The following BTNL2 variants were observed in gnomAD, a reference collection of about 807,000 sequenced individuals.
BTNL2 encodes butyrophilin-like protein 2.
Under a neutral mutation model 46.8 loss-of-function variants are expected in BTNL2, and 46 were observed. The ratio of observed to expected loss-of-function variants is 0.98; its 90% CI spans 0.78 to 1.26. The LOEUF is 1.26. BTNL2 is among the 50% of genes most tolerant of loss of function. The probability of loss-of-function intolerance (pLI) is 0.00; values close to 1 mark genes in which losing one functional copy is unlikely to be tolerated. For missense variants in BTNL2, 461 were observed against 592.6 expected, an observed-to-expected ratio of 0.78 and a Z score of 2.31; for synonymous variants, 226 against 229.1, an observed-to-expected ratio of 0.99 and a Z score of 0.12.
intron 2 of BTNL2, among the ~76,000 whole-genome samples, chr6:32,404,732 A>C (rs1378656296): frequency 6.6e-6 from 1 of 152,236 alleles, no homozygotes; most frequent in Non-Finnish European, 1.5e-5. Context: ...AGAACAGTCA[A>C]AACTGTGCAA....
At chr6:32,401,646 G>T in intron 4 of BTNL2, 139 bp downstream of exon 4, 1 of 696,648 alleles carries the variant, frequency 1.4e-6, no homozygotes, top group Non-Finnish European at 2.3e-6. Flanking sequence ...GTCTCCTCTG[G>T]TATTTAATGA....
At position 32,394,738 on chromosome 6, in the gene BTNL2, A is replaced by G. The variant is rs1230075719; in HGVS notation, c.1360+6T>C. ...CAAACCTGAAGGAACATAAGGAATCACCAACCTGAGAGAGAAAAAGTTGCG... is the reference window on the plus strand; with the variant it reads ...CAAACCTGAAGGAACATAAGGAATCGCCAACCTGAGAGAGAAAAAGTTGCG... On this transcript the variant is annotated splice_donor_region_variant and intron_variant, in intron 6 of 7. Transcript: ENST00000454136. This position sits in a 1 kb window ranked among gnomAD's most constrained non-coding sequence, Gnocchi z 4.6. 1 of 1,608,546 alleles carries G rather than the reference A, an allele frequency of 6.2e-7. No homozygotes were observed. Among genetic ancestry groups the G allele is most frequent in the Non-Finnish European group, 8.5e-7 (1 of 1,175,974 alleles).
Position 32,396,579 on chromosome 6 carries a change from A to G in BTNL2, c.731-193T>C, listed in dbSNP as rs9268481. The G allele has an allele frequency of 0.25, 150,589 of 609,612 alleles. 19,863 individuals carry two copies. The highest frequency in any genetic ancestry group is 0.31 in the Admixed American group (11,217 of 36,128). The allele number at this position is 609,612 out of a possible 1,614,324, so 37.8% of individuals were successfully genotyped here. A position where few individuals can be genotyped will look rare whatever the true frequency, so the allele number is the denominator to read the frequency against. ...GGTTGCTCTTCTTTAAGGAGGAATC[A>G]TTCCATGATGTGTGTCAGTCTGAGT... On this transcript the variant is annotated intron_variant, in intron 4 of 7. Coordinates refer to ENST00000454136, the MANE Select transcript of BTNL2 (RefSeq NM_001304561.2). This position sits in a 1 kb window ranked among gnomAD's most constrained non-coding sequence, Gnocchi z 4.4.
At chr6:32,406,383 A>G (rs62404577) in intron 1 of BTNL2, 18,507 of 151,968 alleles carry the variant, frequency 0.12, 1,340 homozygotes, top group East Asian at 0.3. Flanking sequence ...GCTCTGCGGC[A>G]CCGAGGCAGA....
chr6:32,396,349 G>C lies in BTNL2; in HGVS notation c.768C>G (p.Leu256=). The part of the protein sequence containing the change: ...LKVNGPSQPI[L]VRVGEDIQLT... ...GCTGTATATCTTCTCCCACTCTGAC[G>C]AGGATGGGCTGGGAAGGTCCATTCA... Residue 256 remains leucine, a synonymous_variant, in exon 5 of 8, where the codon CTC becomes CTG. Transcript: ENST00000454136. The surrounding 1 kb of genome is among the most constrained non-coding windows in gnomAD (Gnocchi z 4.4). The C allele has an allele frequency of 6.2e-7, 1 of 1,612,622 alleles. No homozygotes were observed. Among genetic ancestry groups the C allele is most frequent in the Non-Finnish European group, 8.5e-7 (1 of 1,179,722 alleles).
In BTNL2 at chr6:32,396,834, G is replaced by A. The variant is rs1366728761; in HGVS notation, c.731-448C>T. 6.6e-6 allele frequency among the ~76,000 whole-genome samples: 1 copy of A among 150,734 alleles called. No individual in the cohort carries two copies. The highest frequency in any genetic ancestry group is 1.5e-5 in the Non-Finnish European group (1 of 67,750). The stretch of plus-strand genomic sequence containing the variant: ...CGTCTCTACAGAAATACAAAAATTA[G>A]TCGGGCATGATGGTGGGTGCCTGTA... On this transcript the variant is annotated intron_variant, in intron 4 of 7. Transcript: ENST00000454136. This position sits in a 1 kb window ranked among gnomAD's most constrained non-coding sequence, Gnocchi z 4.4.
Position 32,401,762 on chromosome 6 carries a change from G to A in BTNL2, c.730+23C>T, listed in dbSNP as rs537877812. 15 of 1,609,202 alleles carry A rather than the reference G, an allele frequency of 9.3e-6. No homozygotes were observed. The South Asian group carries it at 1.6e-4, about 17-fold the overall frequency. ...GAGGGCAGAGGCTCCCTCCACAGGT[G>A]TGTGCCAGCACCTCGTACTTACCCA... On this transcript the variant is annotated intron_variant, in intron 4 of 7. Coordinates refer to ENST00000454136, the MANE Select transcript of BTNL2 (RefSeq NM_001304561.2).
At chr6:32,397,039 C>T (rs1222794667) in intron 4 of BTNL2, among the ~76,000 whole-genome samples, 3 of 152,078 alleles carry the variant, frequency 2.0e-5, no homozygotes, top group African/African-American at 7.2e-5. Flanking sequence ...CCCCAGATGC[C>T]TCTGTACCTG....
chr6:32,393,950 T>G lies in BTNL2; in HGVS notation c.*6+13A>C. The G allele has an allele frequency of 6.5e-7, 1 of 1,547,156 alleles. No homozygotes were observed. The highest frequency in any genetic ancestry group is 8.7e-7 in the Non-Finnish European group (1 of 1,145,694). On this transcript the variant is annotated intron_variant, in intron 7 of 7. Coordinates refer to ENST00000454136, the MANE Select transcript of BTNL2 (RefSeq NM_001304561.2). This position sits in a 1 kb window ranked among gnomAD's most constrained non-coding sequence, Gnocchi z 4.8. ...CTGCAGTGTGCTCCGCTGTTTCTGT[T>G]TCCCTGACTTACCTCTTTTCAGCTC...
rs117654464 is a variant in BTNL2, at chr6:32,396,999, C to T, written c.731-613G>A. Among the ~76,000 whole-genome samples the T allele has an allele frequency of 7.2e-3, 1,087 of 151,686 alleles. 24 individuals are homozygous for T. In the East Asian group the frequency reaches 0.088, roughly 12 times the overall value. ...TAAAAACAAACAAACAAAAAACACC[C>T]AGAATAAAGTGAACAGTTTATAAAT... is the stretch of plus-strand genomic sequence containing the variant. On this transcript the variant is annotated intron_variant, in intron 4 of 7. Coordinates refer to ENST00000454136, the MANE Select transcript of BTNL2 (RefSeq NM_001304561.2). This position sits in a 1 kb window ranked among gnomAD's most constrained non-coding sequence, Gnocchi z 4.4.
At chr6:32,405,601 A>T (rs3806155) in intron 1 of BTNL2, 8,511 of 390,800 alleles carry the variant, frequency 0.022, 149 homozygotes, top group Non-Finnish European at 0.032. Context: ...CATCTTCAAG[A>T]TATTAATACC....
chr6:32,396,397 G>C lies in BTNL2; in HGVS notation c.731-11C>G. 1 of 1,603,640 alleles carries C rather than the reference G, an allele frequency of 6.2e-7. No individual in the cohort carries two copies. The highest frequency in any genetic ancestry group is 8.5e-7 in the Non-Finnish European group (1 of 1,173,038). On this transcript the variant is annotated splice_polypyrimidine_tract_variant and intron_variant, in intron 4 of 7. Transcript: ENST00000454136. This position sits in a 1 kb window ranked among gnomAD's most constrained non-coding sequence, Gnocchi z 4.4. ...TCACTTTTAAAGAAGCTGTTAAATA[G>C]AGTGGACAAAACACAATGAAAGAAT... is the stretch of plus-strand genomic sequence containing the variant.
Position 32,396,157 on chromosome 6 carries a change from G to A in BTNL2, c.960C>T (p.Asp320=), listed in dbSNP as rs1417874289. ...GTATCTGCAGGGTCAGTCTGCCCTC[G>A]TCAATGGCGTCACTCACCAGTACAG... The part of the protein sequence containing the change: ...GRTVLVSDAI[D]EGRLTLQILS... Residue 320 remains aspartate (D), a synonymous_variant, in exon 5 of 8, where the codon GAC becomes GAT. Transcript: ENST00000454136. The surrounding 1 kb of genome is among the most constrained non-coding windows in gnomAD (Gnocchi z 4.4). 8.1e-6 allele frequency: 13 copies of A among 1,612,884 alleles called. No homozygotes were observed. Among genetic ancestry groups the A allele is most frequent in the Admixed American group, 1.7e-5 (1 of 59,994 alleles).
intron 1 of BTNL2, 176 bp from the exon 2 acceptor site, chr6:32,405,462 T>C (rs982696337): frequency 2.7e-6 from 2 of 752,544 alleles, no homozygotes; most frequent in East Asian, 2.7e-5. Flanking sequence ...AGAGTCAATT[T>C]TGTGTACTGA....
chr6:32,407,059 G>A lies in BTNL2; in HGVS notation c.65C>T (p.Thr22Ile), dbSNP rs1239654841. ...AVASFLFILL[T>I]MKQSEDFRVI... ...GGGAATCCTACCTGACTGCTTCATT[G>A]TCAGCAGGATGAATAGGAAGGAGGC... Residue 22 changes from threonine to isoleucine, a missense_variant, in exon 1 of 8, where the codon ACA (threonine) becomes ATA (isoleucine). Coordinates refer to ENST00000454136, the MANE Select transcript of BTNL2 (RefSeq NM_001304561.2). The A allele has an allele frequency of 6.2e-7, 1 of 1,612,738 alleles. No individual in the cohort carries two copies. Among genetic ancestry groups the A allele is most frequent in the Non-Finnish European group, 8.5e-7 (1 of 1,179,906 alleles).
rs1776468179 is a variant in BTNL2, at chr6:32,396,563, T to C, written c.731-177A>G. On this transcript the variant is annotated intron_variant, in intron 4 of 7. Transcript: ENST00000454136. The surrounding 1 kb of genome is among the most constrained non-coding windows in gnomAD (Gnocchi z 4.4). The stretch of plus-strand genomic sequence containing the variant: ...ATGGACTCAGAATAGAGGTTGCTCT[T>C]CTTTAAGGAGGAATCATTCCATGAT... 1.6e-6 allele frequency: 1 copy of C among 642,342 alleles called. No individual in the cohort carries two copies. Among genetic ancestry groups the C allele is most frequent in the South Asian group, 1.8e-5 (1 of 54,362 alleles). The allele number at this position is 642,342 out of a possible 1,614,324, so 39.8% of individuals were successfully genotyped here.
intron 2 of BTNL2, among the ~76,000 whole-genome samples, chr6:32,404,304 G>T (rs1227132371): frequency 2.6e-5 from 4 of 152,168 alleles, no homozygotes; most frequent in African/African-American, 9.7e-5. Context: ...TCATAAGACA[G>T]ATCCATTCTT....
At position 32,394,762 on chromosome 6, in the gene BTNL2, C is replaced by T. The variant is rs777648549; in HGVS notation, c.1342G>A (p.Ala448Thr). ...SIPFLGEEKI[A>T]TFSLSESRMT... ...CACCAACCTGAGAGAGAAAAAGTTG[C>T]GATTTTCTCCTCGCCCAAAAAGGGG... The change falls in exon 6 of 8, where the codon GCA becomes ACA. Residue 448 changes from alanine to threonine, a missense_variant. By Grantham distance (58) the Ala-to-Thr change is moderately conservative (BLOSUM62 0). Coordinates refer to ENST00000454136, the MANE Select transcript of BTNL2 (RefSeq NM_001304561.2). The surrounding 1 kb of genome is among the most constrained non-coding windows in gnomAD (Gnocchi z 4.6). 4 of 1,612,198 alleles carry T rather than the reference C, an allele frequency of 2.5e-6. No individual in the cohort carries two copies. The highest frequency in any genetic ancestry group is 3.3e-5 in the Admixed American group (2 of 59,916).
chr6:32,393,692 C>T lies in BTNL2; in HGVS notation c.*6+271G>A, dbSNP rs3817967. On this transcript the variant is annotated intron_variant, in intron 7 of 7. Coordinates refer to ENST00000454136, the MANE Select transcript of BTNL2 (RefSeq NM_001304561.2). The surrounding 1 kb of genome is among the most constrained non-coding windows in gnomAD (Gnocchi z 4.8). The stretch of plus-strand genomic sequence containing the variant: ...CTACTCACTTTTTTCTTCTTCTTCC[C>T]TAACCAGATCACTGGGGAATGGGCA... 0.11 allele frequency: 35,232 copies of T among 313,668 alleles called. 2,698 individuals carry two copies. Among genetic ancestry groups the T allele is most frequent in the East Asian group, 0.17 (2,487 of 14,910 alleles). The allele number at this position is 313,668 out of a possible 1,614,324, so 19.4% of individuals were successfully genotyped here. A position where few individuals can be genotyped will look rare whatever the true frequency, so the allele number is the denominator to read the frequency against.
Sources: allele counts gnomAD v4.1 joint callset (sites outside exome capture counted in the v4.1 genomes callset), GRCh38; gene constraint gnomAD v4.1.1; non-coding constraint Gnocchi (gnomAD v3.1); transcripts MANE v1.5; gene names NCBI Gene and HGNC (gene_info 2026-07-23, HGNC 2026-07-21).